Variants in ACSM1 observed in about 807,000 individuals in gnomAD.
ACSM1 encodes acyl-coenzyme A synthetase ACSM1, mitochondrial.
Under a neutral mutation model 75.8 loss-of-function variants are expected in ACSM1, and 79 were observed. The observed-to-expected ratio is 1.04, with a 90% CI of 0.87 to 1.26. The LOEUF (loss-of-function observed/expected upper bound fraction) is 1.26. ACSM1 is among the 50% of genes most tolerant of loss of function. The pLI, the probability that ACSM1 is intolerant of heterozygous loss-of-function variation, is 0.00. For synonymous variants in ACSM1, 279 were observed against 265.8 expected, an observed-to-expected ratio of 1.05 and a Z score of -0.48; for missense variants, 676 against 720.1, an observed-to-expected ratio of 0.94 and a Z score of 0.70.
intron 1 of ACSM1, among the ~76,000 whole-genome samples, chr16:20,691,910 A>G (rs1174267894): frequency 6.6e-6 from 1 of 151,922 alleles, no homozygotes; most frequent in Non-Finnish European, 1.5e-5. Context: ...CAGCCCCCCT[A>G]CAGGCGAGAA....
At chr16:20,630,362 C>T (rs1231334770) in intron 10 of ACSM1, among the ~76,000 whole-genome samples, 1 of 152,146 alleles carries the variant, frequency 6.6e-6, no homozygotes, top group Non-Finnish European at 1.5e-5. Flanking sequence ...GCTGGGATTA[C>T]AGGCGTGAGC....
intron 11 of ACSM1, among the ~76,000 whole-genome samples, chr16:20,626,636 A>G (rs1016348564): frequency 1.6e-4 from 24 of 151,896 alleles, no homozygotes; most frequent in African/African-American, 3.6e-4. Flanking sequence ...GGTGGGTTAT[A>G]TAAAGCATTA....
intron 2 of ACSM1, among the ~76,000 whole-genome samples, chr16:20,686,170 AC>A (rs2079550571): frequency 6.6e-6 from 1 of 152,188 alleles, no homozygotes; most frequent in Admixed American, 6.5e-5. Context: ...TCACAATAAA[AC>A]AAAACAAAAG....
In ACSM1 at chr16:20,677,638, C is replaced by G. The variant is rs760324913; in HGVS notation, c.611+4618G>C. Among the ~76,000 whole-genome samples the G allele has an allele frequency of 1.4e-4, 22 of 152,258 alleles. 1 individual carries two copies. The highest frequency in any genetic ancestry group is 6.8e-3 in the Middle Eastern group (2 of 294). On this transcript the variant is annotated intron_variant, in intron 4 of 13. Transcript: ENST00000520010. ...GGGGAGCCAGACATAGAATATTTTACTGATGGAAGCAGTTTCATACGAAAG... is the reference window on the plus strand; with the variant it reads ...GGGGAGCCAGACATAGAATATTTTAGTGATGGAAGCAGTTTCATACGAAAG...
In ACSM1 at chr16:20,671,521, T is replaced by A. The variant is rs1381223180; in HGVS notation, c.752+10A>T. ...GGGTCCAGCCTCTATGTCGGTGCCC[T>A]CTTTCCTACCTTCCTGGGAAGGAGG... On this transcript the variant is annotated intron_variant, in intron 5 of 13. Coordinates refer to ENST00000520010, the MANE Select transcript of ACSM1 (RefSeq NM_001318890.3). 65 of 1,600,412 alleles carry A rather than the reference T, an allele frequency of 4.1e-5. No homozygotes were observed. The highest frequency in any genetic ancestry group is 5.5e-5 in the Non-Finnish European group (65 of 1,173,744).
At chr16:20,662,764 T>C (rs2019362552) in intron 6 of ACSM1, among the ~76,000 whole-genome samples, 1 of 152,120 alleles carries the variant, frequency 6.6e-6, no homozygotes, top group Admixed American at 6.6e-5. Flanking sequence ...ATCTCTAGCC[T>C]CTATCTCTTT....
At chr16:20,687,712 A>G (rs2079578056) in intron 2 of ACSM1, among the ~76,000 whole-genome samples, 1 of 152,188 alleles carries the variant, frequency 6.6e-6, no homozygotes, top group African/African-American at 2.4e-5. Flanking sequence ...GAAACCACAG[A>G]TCCACACCTA....
chr16:20,654,882 GC>G (rs1270364345), intron 7 of ACSM1, among the ~76,000 whole-genome samples: 5 of 152,246 alleles, frequency 3.3e-5, no homozygotes, highest in African/African-American at 1.2e-4. Context: ...ATTTGACCCA[GC>G]AATCCCATTA....
chr16:20,632,193 C>T (rs1453858526), intron 10 of ACSM1, among the ~76,000 whole-genome samples: 2 of 152,010 alleles, frequency 1.3e-5, no homozygotes, highest in African/African-American at 2.4e-5. Context: ...ATAAGAAGAG[C>T]AAACTAAACC....
At chr16:20,672,471 A>AATATATATATATAT (rs1392857890) in intron 4 of ACSM1, among the ~76,000 whole-genome samples, 8 of 64,570 alleles carry the variant, frequency 1.2e-4, no homozygotes, top group East Asian at 1.3e-3. Flanking sequence ...AAAAAAAAAA[A>AATATATATATATAT]ATATATATAT....
At chr16:20,643,198 A>C (rs1339611510) in intron 7 of ACSM1, among the ~76,000 whole-genome samples, 2 of 152,168 alleles carry the variant, frequency 1.3e-5, no homozygotes, top group Admixed American at 1.3e-4. Flanking sequence ...CTTTTCCAGA[A>C]AGCCTGACAC....
intron 1 of ACSM1, among the ~76,000 whole-genome samples, chr16:20,695,052 T>A (rs2079682259): frequency 6.6e-6 from 1 of 152,200 alleles, no homozygotes; most frequent in African/African-American, 2.4e-5. Context: ...ACCAATGTAC[T>A]CCTCTTGATC....
chr16:20,668,993 C>G (rs539867778), intron 6 of ACSM1, among the ~76,000 whole-genome samples: 1 of 152,196 alleles, frequency 6.6e-6, no homozygotes, highest in African/African-American at 2.4e-5. Flanking sequence ...GGCCAGGAGA[C>G]AGAACTCTGC....
chr16:20,631,625 T>A (rs1263857819), intron 10 of ACSM1, among the ~76,000 whole-genome samples: 1 of 152,170 alleles, frequency 6.6e-6, no homozygotes, highest in Non-Finnish European at 1.5e-5. Flanking sequence ...AAAGTGCCCA[T>A]CAACCAATGA....
At chr16:20,624,941 G>T (rs946432954) in intron 12 of ACSM1, among the ~76,000 whole-genome samples, 1 of 151,594 alleles carries the variant, frequency 6.6e-6, no homozygotes, top group Non-Finnish European at 1.5e-5. Flanking sequence ...GCCTGGTCTT[G>T]AACTCCTGAC....
At chr16:20,657,180 G>C (rs945511182) in intron 7 of ACSM1, among the ~76,000 whole-genome samples, 3 of 152,136 alleles carry the variant, frequency 2.0e-5, no homozygotes, top group African/African-American at 7.2e-5. Context: ...ATTGCTGTAA[G>C]TATGTAACAG....
intron 10 of ACSM1, among the ~76,000 whole-genome samples, chr16:20,631,502 G>A (rs960681970): frequency 2.1e-4 from 32 of 152,158 alleles, no homozygotes; most frequent in African/African-American, 7.2e-4. Flanking sequence ...ATTCGATCCA[G>A]CAATCCCACT....
chr16:20,627,485 C>T (rs1457384067), intron 10 of ACSM1, among the ~76,000 whole-genome samples, 169 bp from the exon 11 acceptor site: 1 of 152,098 alleles, frequency 6.6e-6, no homozygotes, highest in Admixed American at 6.5e-5. Context: ...ATGATGCATG[C>T]GACTGCTCTA....
rs772265277 is a variant in ACSM1 at position 20,685,167 on chromosome 16, C to T, written c.403+26G>A. ...TTGGTTCTAGAACAGCCCCGAGGTC[C>T]ACCAGGTCCCTCTTGCATCACTGAC... On this transcript the variant is annotated intron_variant, in intron 3 of 13. Transcript: ENST00000520010. The T allele has an allele frequency of 1.8e-5, 29 of 1,613,270 alleles. No homozygotes were observed. The South Asian group carries it at 1.9e-4, about 10-fold the overall frequency.
Sources: gnomAD v4.1 joint callset for allele counts (sites outside exome capture counted in the v4.1 genomes callset) on GRCh38, gnomAD v4.1.1 for gene constraint, MANE v1.5 for transcripts, NCBI Gene and HGNC (gene_info 2026-07-23, HGNC 2026-07-21) for gene names.